CRMP1: variants seen among roughly 807,000 people sequenced by gnomAD.
CRMP1 encodes collapsin response mediator protein 1.
In CRMP1, 19 loss-of-function variants were observed where a neutral mutation model predicts 68.3. The ratio of observed to expected loss-of-function variants is 0.28; its 90% CI spans 0.19 to 0.41. The LOEUF is 0.41. Among genes scored for constraint, CRMP1 ranks in the 10% least tolerant of loss-of-function variants. The pLI, the probability that CRMP1 is intolerant of heterozygous loss-of-function variation, is 1.00. For synonymous variants in CRMP1, 439 were observed against 399.6 expected, an observed-to-expected ratio of 1.10 and a Z score of -1.18; for missense variants, 791 against 967.4, an observed-to-expected ratio of 0.82 and a Z score of 2.42.
chr4:5,883,686 G>A lies in CRMP1; in HGVS notation c.381+8903C>T, dbSNP rs1715378773. 9.4e-6 allele frequency among the ~76,000 whole-genome samples: 1 copy of A among 106,068 alleles called. No individual in the cohort carries two copies. Among genetic ancestry groups the A allele is most frequent in the East Asian group, 3.3e-4 (1 of 3,052 alleles). The allele number at this position is 106,068 out of a possible 152,430, so 69.6% of individuals were successfully genotyped here. A position where few individuals can be genotyped will look rare whatever the true frequency, so the allele number is the denominator to read the frequency against. ...CACACACACACACACACACATGCTT[G>A]CCCACCACACCTGCTGGTTAGCTAC... is the stretch of plus-strand genomic sequence containing the variant. On this transcript the variant is annotated intron_variant, in intron 1 of 13. Transcript: ENST00000324989. The surrounding 1 kb of genome is among the most constrained non-coding windows in gnomAD (Gnocchi z 4.5).
rs1227172751 is a variant in CRMP1, at chr4:5,891,171, C to CAT, written c.381+1417_381+1418insAT. 6.2e-5 allele frequency among the ~76,000 whole-genome samples: 8 copies of CAT among 129,048 alleles called. No homozygotes were observed. In the East Asian group the frequency reaches 1.9e-3, roughly 31 times the overall value. The allele number at this position is 129,048 out of a possible 152,430, so 84.7% of individuals were successfully genotyped here. A position where few individuals can be genotyped will look rare whatever the true frequency, so the allele number is the denominator to read the frequency against. On this transcript the variant is annotated intron_variant, in intron 1 of 13. Transcript: ENST00000324989. This position sits in a 1 kb window ranked among gnomAD's most constrained non-coding sequence, Gnocchi z 5.2. ...TTTCTGATCACCCCACCACCACACA[C>CAT]ACATACACACACACACACACACACA...
chr4:5,829,342 T>A (rs1327767402), intron 11 of CRMP1, among the ~76,000 whole-genome samples: 1 of 152,066 alleles, frequency 6.6e-6, no homozygotes, highest in East Asian at 1.9e-4. Flanking sequence ...TGAGCCGAGA[T>A]CGTGCCACTG....
chr4:5,821,084 A>C lies in CRMP1; in HGVS notation c.*676T>G, dbSNP rs988728020. Reference sequence around the variant, plus strand: ...GAAGAACACACACAGACCAGAAGACAGCACGGTGAGTTACAAGTGCCACGG... The same window carrying C: ...GAAGAACACACACAGACCAGAAGACCGCACGGTGAGTTACAAGTGCCACGG... On this transcript the variant is annotated 3_prime_UTR_variant, in exon 14 of 14. Coordinates refer to ENST00000324989, the MANE Select transcript of CRMP1 (RefSeq NM_001014809.3). This position sits in a 1 kb window ranked among gnomAD's most constrained non-coding sequence, Gnocchi z 4.4. The C allele has an allele frequency of 2.6e-5, 4 of 152,326 alleles. No individual in the cohort carries two copies. Among genetic ancestry groups the C allele is most frequent in the African/African-American group, 9.6e-5 (4 of 41,454 alleles). 9.4% of individuals were successfully genotyped at this position (152,326 alleles called of 1,614,324 possible).
chr4:5,836,455 T>C (rs1720731471), intron 10 of CRMP1, among the ~76,000 whole-genome samples: 1 of 152,208 alleles, frequency 6.6e-6, no homozygotes, highest in Non-Finnish European at 1.5e-5. Context: ...CTAACACGTG[T>C]GCACATGCAC....
At chr4:5,828,724 G>A (rs552038819) in intron 11 of CRMP1, 56 bp from the exon 12 acceptor site, 4 of 1,567,332 alleles carry the variant, frequency 2.6e-6, no homozygotes, top group African/African-American at 1.4e-5. Flanking sequence ...CAAACGAGCT[G>A]TTCATAACAG....
intron 12 of CRMP1, 71 bp downstream of exon 12, chr4:5,828,418 T>C: frequency 6.4e-7 from 1 of 1,560,614 alleles, no homozygotes; most frequent in Non-Finnish European, 8.7e-7. Context: ...ACACGTCAGA[T>C]CTCGATTCCC....
Position 5,821,654 on chromosome 4 carries a change from C to T in CRMP1, c.*106G>A. ...AAGAGCATCCTTCGACTTCCCCCTC[C>T]CTCCATCAGCACCAACTAAAACTGT... On this transcript the variant is annotated 3_prime_UTR_variant, in exon 14 of 14. Coordinates refer to ENST00000324989, the MANE Select transcript of CRMP1 (RefSeq NM_001014809.3). The surrounding 1 kb of genome is among the most constrained non-coding windows in gnomAD (Gnocchi z 4.4). The T allele has an allele frequency of 9.6e-7, 1 of 1,044,716 alleles. No homozygotes were observed. Among genetic ancestry groups the T allele is most frequent in the Non-Finnish European group, 1.4e-6 (1 of 715,310 alleles). 64.7% of individuals were successfully genotyped at this position (1,044,716 alleles called of 1,614,324 possible).
chr4:5,871,510 A>C (rs1194510979), intron 1 of CRMP1, among the ~76,000 whole-genome samples: 2 of 152,062 alleles, frequency 1.3e-5, no homozygotes, highest in Non-Finnish European at 2.9e-5. Context: ...AATACAAAAA[A>C]TTAGCCGGGC....
intron 1 of CRMP1, among the ~76,000 whole-genome samples, chr4:5,882,958 T>C (rs1296073617): frequency 6.6e-6 from 1 of 152,176 alleles, no homozygotes; most frequent in Non-Finnish European, 1.5e-5. Flanking sequence ...TCCCCTTGGG[T>C]GCATTCTCCC....
At chr4:5,826,009 GCACA>G (rs112088827) in intron 12 of CRMP1, 28,641 of 337,732 alleles carry the variant, frequency 0.085, 2,192 homozygotes, top group African/African-American at 0.26. Context: ...GCGTGAACAC[GCACA>G]CACACTTAAA....
chr4:5,844,757 C>T (rs1336514082), intron 6 of CRMP1, among the ~76,000 whole-genome samples: 1 of 152,178 alleles, frequency 6.6e-6, no homozygotes, highest in Non-Finnish European at 1.5e-5. Context: ...CACACTGGTG[C>T]AGGGGTGCGT....
chr4:5,861,319 A>T lies in CRMP1; in HGVS notation c.471-109T>A. The T allele has an allele frequency of 8.9e-7, 1 of 1,117,802 alleles. No homozygotes were observed. Among genetic ancestry groups the T allele is most frequent in the Non-Finnish European group, 1.3e-6 (1 of 773,044 alleles). The allele number at this position is 1,117,802 out of a possible 1,614,324, so 69.2% of individuals were successfully genotyped here. ...TAAACATTTCTGAGCCAGGCCCTTC[A>T]CAAGGCCCTGGGGAGACAGAGATAA... On this transcript the variant is annotated intron_variant, in intron 2 of 13. Transcript: ENST00000324989. This position sits in a 1 kb window ranked among gnomAD's most constrained non-coding sequence, Gnocchi z 6.0.
rs73061898 is a variant in CRMP1, at chr4:5,839,504, C to A, written c.1310+18G>T. The A allele has an allele frequency of 1.3e-6, 2 of 1,595,810 alleles. No individual in the cohort carries two copies. The highest frequency in any genetic ancestry group is 2.3e-5 in the South Asian group (2 of 87,792). Reference sequence around the variant, plus strand: ...GCCCCAGCTGCCTCCCCCAGCCCCACGTTCTCACAGGTCTCACCAGGCCAG... The same window carrying A: ...GCCCCAGCTGCCTCCCCCAGCCCCAAGTTCTCACAGGTCTCACCAGGCCAG... On this transcript the variant is annotated intron_variant, in intron 9 of 13. Coordinates refer to ENST00000324989, the MANE Select transcript of CRMP1 (RefSeq NM_001014809.3).
chr4:5,878,742 C>T (rs1715022159), intron 1 of CRMP1, among the ~76,000 whole-genome samples: 1 of 152,132 alleles, frequency 6.6e-6, no homozygotes, highest in Non-Finnish European at 1.5e-5. Context: ...TCATCAAATG[C>T]AGAGGAAAAT....
intron 11 of CRMP1, 152 bp downstream of exon 11, chr4:5,835,763 T>C: frequency 1.1e-6 from 1 of 932,820 alleles, no homozygotes; most frequent in Non-Finnish European, 1.5e-6. Context: ...TCCCAATCTC[T>C]CCAACTGGAG....
intron 12 of CRMP1, chr4:5,828,202 G>A (rs890312352): frequency 9.1e-6 from 9 of 985,250 alleles, no homozygotes; most frequent in East Asian, 1.1e-4. Context: ...GCAGGACAGC[G>A]CCCAGAGCAG....
chr4:5,892,180 G>T lies in CRMP1; in HGVS notation c.381+409C>A, dbSNP rs895447017. 1.3e-5 allele frequency among the ~76,000 whole-genome samples: 2 copies of T among 152,246 alleles called. No individual in the cohort carries two copies. Among genetic ancestry groups the T allele is most frequent in the Non-Finnish European group, 2.9e-5 (2 of 68,026 alleles). ...ATAATTACTACCGACTGAGTGGATGGATGAATGGACCAACACGGAACGGAG... is the reference window on the plus strand; with the variant it reads ...ATAATTACTACCGACTGAGTGGATGTATGAATGGACCAACACGGAACGGAG... On this transcript the variant is annotated intron_variant, in intron 1 of 13. Transcript: ENST00000324989. This position sits in a 1 kb window ranked among gnomAD's most constrained non-coding sequence, Gnocchi z 8.6.
Position 5,892,306 on chromosome 4 carries a change from C to G in CRMP1, c.381+283G>C, listed in dbSNP as rs1414841007. Among the ~76,000 whole-genome samples, 1 of 152,238 alleles carries G rather than the reference C, an allele frequency of 6.6e-6. No individual in the cohort carries two copies. Among genetic ancestry groups the G allele is most frequent in the East Asian group, 1.9e-4 (1 of 5,180 alleles). ...CCATGCGGTAGCTTTAGCCAACTTC[C>G]CCTCTCAGAACCTCTCTCCCTTTCT... On this transcript the variant is annotated intron_variant, in intron 1 of 13. Transcript: ENST00000324989. The surrounding 1 kb of genome is among the most constrained non-coding windows in gnomAD (Gnocchi z 8.6).
At chr4:5,833,068 A>G (rs911692518) in intron 11 of CRMP1, among the ~76,000 whole-genome samples, 1 of 151,998 alleles carries the variant, frequency 6.6e-6, no homozygotes, top group Non-Finnish European at 1.5e-5. Flanking sequence ...GTCAGACGCT[A>G]GAAGAGTGGC....
Sources: allele counts gnomAD v4.1 joint callset (sites outside exome capture counted in the v4.1 genomes callset), GRCh38; gene constraint gnomAD v4.1.1; non-coding constraint Gnocchi (gnomAD v3.1); transcripts MANE v1.5; gene names NCBI Gene and HGNC (gene_info 2026-07-23, HGNC 2026-07-21).